The following PCLO variants were observed in gnomAD, a reference collection of about 807,000 sequenced individuals.
PCLO encodes piccolo presynaptic cytomatrix protein.
PCLO carries 82 observed loss-of-function variants against 427.5 expected under a neutral mutation model. That is an observed-to-expected ratio of 0.19 (90% CI 0.16 to 0.23). The LOEUF is 0.23. PCLO is among the 10% of genes least tolerant of loss of function. The probability of loss-of-function intolerance (pLI) is 1.00; values close to 1 mark genes in which losing one functional copy is unlikely to be tolerated. For synonymous variants in PCLO, 2,357 were observed against 2,155.4 expected (o/e 1.09, Z -2.59); for missense variants, 6,239 against 6,115.9 (o/e 1.02, Z -0.67).
intron 3 of PCLO, among the ~76,000 whole-genome samples, chr7:82,992,318 A>G (rs1458286296): frequency 6.6e-6 from 1 of 152,096 alleles, no homozygotes; most frequent in Non-Finnish European, 1.5e-5. Flanking sequence ...AAGAAGACAA[A>G]TGAGTACCCT....
intron 22 of PCLO, among the ~76,000 whole-genome samples, chr7:82,768,911 A>T (rs994656262): frequency 1.3e-5 from 2 of 152,186 alleles, no homozygotes; most frequent in African/African-American, 4.8e-5. Flanking sequence ...CATTACGATT[A>T]ACAGAATACA....
chr7:83,000,037 C>T, intron 3 of PCLO, among the ~76,000 whole-genome samples: 1 of 106,376 alleles, frequency 9.4e-6, no homozygotes, highest in Middle Eastern at 3.8e-3. Context: ...AGAATAAATG[C>T]CAAAAAACAA....
chr7:83,074,736 A>G (rs1789908592), intron 3 of PCLO, among the ~76,000 whole-genome samples: 1 of 152,190 alleles, frequency 6.6e-6, no homozygotes, highest in Non-Finnish European at 1.5e-5. Flanking sequence ...ACAAACAAAC[A>G]TTAAAATCCA....
intron 22 of PCLO, among the ~76,000 whole-genome samples, chr7:82,763,479 A>G (rs1247828308): frequency 6.6e-6 from 1 of 152,138 alleles, no homozygotes; most frequent in Non-Finnish European, 1.5e-5. Context: ...TGAAATAACA[A>G]AACACTGTGA....
intron 8 of PCLO, among the ~76,000 whole-genome samples, chr7:82,903,466 A>G (rs572014359): frequency 6.6e-6 from 1 of 152,090 alleles, no homozygotes; most frequent in Non-Finnish European, 1.5e-5. Context: ...AATTCTCATT[A>G]TTGAGACTTG....
chr7:82,871,817 T>C (rs1793244972), intron 10 of PCLO, among the ~76,000 whole-genome samples: 1 of 151,796 alleles, frequency 6.6e-6, no homozygotes, highest in Non-Finnish European at 1.5e-5. Flanking sequence ...GGATGATTGT[T>C]GAAAAAACAA....
rs554055242 is a variant in PCLO at position 82,766,314 on chromosome 7, T to C, written c.15008-4821A>G. The stretch of plus-strand genomic sequence containing the variant: ...GGGGAAATATGTAAAGCTTAGTATA[T>C]CTTTTCATAGGAATAACATGCACCT... On this transcript the variant is annotated intron_variant, in intron 22 of 24. Coordinates refer to ENST00000333891, the MANE Select transcript of PCLO (RefSeq NM_033026.6). 3.3e-5 allele frequency among the ~76,000 whole-genome samples: 5 copies of C among 152,112 alleles called. 1 individual carries two copies. The highest frequency in any genetic ancestry group is 1.2e-4 in the African/African-American group (5 of 41,526).
chr7:82,804,867 G>A (rs1791426798), intron 21 of PCLO, among the ~76,000 whole-genome samples: 2 of 152,106 alleles, frequency 1.3e-5, no homozygotes, highest in African/African-American at 4.8e-5. Context: ...GTGGTAGACT[G>A]CTTTTGCCCT....
chr7:83,038,073 T>G (rs376219048), intron 3 of PCLO, among the ~76,000 whole-genome samples: 5 of 46,182 alleles, frequency 1.1e-4, no homozygotes, highest in African/African-American at 1.7e-4. Flanking sequence ...ATTTATATAT[T>G]TATATATATA....
At chr7:82,783,565 T>G in intron 22 of PCLO, among the ~76,000 whole-genome samples, 1 of 152,044 alleles carries the variant, frequency 6.6e-6, no homozygotes, top group East Asian at 1.9e-4. Context: ...GAGCTTGCAG[T>G]GAGCTGAGAT....
rs147094487 is a variant in PCLO at position 83,107,240 on chromosome 7, T to C, written c.3300+27010A>G. ...ATAAATTTATTATAGTCTATTAAAC[T>C]GAATAATCATAGGAAATAAAATGTA... On this transcript the variant is annotated intron_variant, in intron 3 of 24. Transcript: ENST00000333891. Among the ~76,000 whole-genome samples, 636 of 152,256 alleles carry C rather than the reference T, an allele frequency of 4.2e-3. 3 individuals carry two copies. Among genetic ancestry groups the C allele is most frequent in the African/African-American group, 0.015 (610 of 41,552 alleles).
intron 20 of PCLO, among the ~76,000 whole-genome samples, chr7:82,808,496 TA>T (rs1404699559): frequency 6.6e-6 from 1 of 151,944 alleles, no homozygotes; most frequent in Non-Finnish European, 1.5e-5. Flanking sequence ...GAAATAAATT[TA>T]AGAAAAGACA....
intron 3 of PCLO, among the ~76,000 whole-genome samples, chr7:83,125,095 G>A (rs1012881946): frequency 3.3e-5 from 5 of 151,246 alleles, no homozygotes; most frequent in African/African-American, 9.6e-5. Context: ...GCGTGATCTC[G>A]GCTCGCTACA....
intron 6 of PCLO, among the ~76,000 whole-genome samples, chr7:82,941,358 C>T (rs1795081553): frequency 6.6e-6 from 1 of 152,124 alleles, no homozygotes. Context: ...CCACACCACA[C>T]TTGTTCAAGT....
intron 13 of PCLO, among the ~76,000 whole-genome samples, chr7:82,842,076 T>C (rs963274685): frequency 6.6e-6 from 1 of 152,038 alleles, no homozygotes; most frequent in African/African-American, 2.4e-5. Flanking sequence ...AAGACCCTAA[T>C]AGCCAAAGCA....
chr7:83,082,426 TA>T lies in PCLO; in HGVS notation c.3300+51823del, dbSNP rs533728586. On this transcript the variant is annotated intron_variant, in intron 3 of 24. Transcript: ENST00000333891. ...TTCAAGTCAACTATAATAAAAATCG[TA>T]CATACTTGGAACTTGGAAAAGAAAA... Among the ~76,000 whole-genome samples the T allele has an allele frequency of 8.2e-4, 124 of 151,778 alleles. 1 individual carries two copies. Among genetic ancestry groups the T allele is most frequent in the African/African-American group, 2.9e-3 (121 of 41,516 alleles).
At chr7:82,801,084 A>C (rs1305984339) in intron 22 of PCLO, among the ~76,000 whole-genome samples, 3 of 151,226 alleles carry the variant, frequency 2.0e-5, no homozygotes, top group Admixed American at 6.6e-5. Flanking sequence ...TTTCTGTAAA[A>C]TGATTTTTAC....
chr7:82,793,641 A>G (rs1423315325), intron 22 of PCLO, among the ~76,000 whole-genome samples: 1 of 152,190 alleles, frequency 6.6e-6, no homozygotes, highest in Non-Finnish European at 1.5e-5. Context: ...CAGATTTTTA[A>G]TAACTGCTAA....
chr7:83,051,415 A>C (rs1384740204), intron 3 of PCLO, among the ~76,000 whole-genome samples: 1 of 152,136 alleles, frequency 6.6e-6, no homozygotes, highest in African/African-American at 2.4e-5. Context: ...TACCAGCATG[A>C]ACATTTAGAA....
Sources: gnomAD v4.1 joint callset for allele counts (sites outside exome capture counted in the v4.1 genomes callset) on GRCh38, gnomAD v4.1.1 for gene constraint, MANE v1.5 for transcripts, NCBI Gene and HGNC (gene_info 2026-07-23, HGNC 2026-07-21) for gene names.